KCNQ2: variants seen among roughly 807,000 people sequenced by gnomAD.
KCNQ2 encodes potassium voltage-gated channel subfamily KQT member 2.
In KCNQ2, 14 loss-of-function variants were observed where a neutral mutation model predicts 84.8. The ratio of observed to expected loss-of-function variants is 0.17; its 90% CI spans 0.11 to 0.26. The LOEUF (loss-of-function observed/expected upper bound fraction) is 0.26, where lower values mean the gene tolerates loss of function less well. KCNQ2 is among the 10% of genes least tolerant of loss of function. The probability of loss-of-function intolerance (pLI) is 1.00; values close to 1 mark genes in which losing one functional copy is unlikely to be tolerated. For missense variants in KCNQ2, 788 were observed against 1,254.0 expected (o/e 0.63, Z 5.61); for synonymous variants, 599 against 554.1 (o/e 1.08, Z -1.14).
In KCNQ2 at chr20:63,403,602, G is replaced by A. The variant is rs1449816297; in HGVS notation, c.*3042C>T. On this transcript the variant is annotated 3_prime_UTR_variant, in exon 17 of 17. Transcript: ENST00000359125. ...GTGTGTGATCTGTGCACGTGTACAT[G>A]TAAGCGTGCATGTGTATGCCTGTAT... 6.6e-6 allele frequency: 1 copy of A among 152,460 alleles called. No homozygotes were observed. Among genetic ancestry groups the A allele is most frequent in the Non-Finnish European group, 1.5e-5 (1 of 68,184 alleles). 9.4% of individuals were successfully genotyped at this position (152,460 alleles called of 1,614,324 possible).
chr20:63,459,442 G>A (rs2081893105), intron 1 of KCNQ2: 1 of 152,270 alleles, frequency 6.6e-6, no homozygotes, highest in Admixed American at 6.5e-5. Flanking sequence ...AGTCCAGGAG[G>A]TCCAGGCTGC....
intron 15 of KCNQ2, among the ~76,000 whole-genome samples, chr20:63,411,261 A>G (rs2080112348): frequency 6.6e-6 from 1 of 152,162 alleles, no homozygotes; most frequent in South Asian, 2.1e-4. Flanking sequence ...AGAGACACAG[A>G]GATGCGGCTC....
rs868435946 is a variant in KCNQ2 at position 63,442,851 on chromosome 20, T to C, written c.691-320A>G. Among the ~76,000 whole-genome samples the C allele has an allele frequency of 0.025, 461 of 18,718 alleles. No individual in the cohort carries two copies. The highest frequency in any genetic ancestry group is 0.027 in the Non-Finnish European group (228 of 8,420). 12.3% of individuals were successfully genotyped at this position (18,718 alleles called of 152,430 possible). On this transcript the variant is annotated intron_variant, in intron 4 of 16. Coordinates refer to ENST00000359125, the MANE Select transcript of KCNQ2 (RefSeq NM_172107.4). ...ACCATCACCACCACCACCATCACCATCACCACCACCATCACCATCACCATT... is the reference window on the plus strand; with the variant it reads ...ACCATCACCACCACCACCATCACCACCACCACCACCATCACCATCACCATT...
chr20:63,442,872 C>CCATTAT (rs1568934945), intron 4 of KCNQ2, among the ~76,000 whole-genome samples: 1 of 9,498 alleles, frequency 1.1e-4, no homozygotes, highest in Non-Finnish European at 2.5e-4. Context: ...ATCACCATCA[C>CCATTAT]CATTATCACC....
chr20:63,414,293 C>A lies in KCNQ2; in HGVS notation c.1526-100G>T. ...CGGCTAGACAGAGCGCCAGGGAGCC[C>A]CTCGAGGCTCCCTGTGGTGCCCCTC... On this transcript the variant is annotated intron_variant, in intron 13 of 16. Transcript: ENST00000359125. The surrounding 1 kb of genome is among the most constrained non-coding windows in gnomAD (Gnocchi z 6.6). The A allele has an allele frequency of 1.2e-6, 1 of 845,428 alleles. No homozygotes were observed. Among genetic ancestry groups the A allele is most frequent in the Non-Finnish European group, 2.0e-6 (1 of 504,884 alleles). The allele number at this position is 845,428 out of a possible 1,614,324, so 52.4% of individuals were successfully genotyped here.
chr20:63,415,371 CGGGGACCGAGCACCCGG>C (rs2080262159), intron 12 of KCNQ2, among the ~76,000 whole-genome samples: 2 of 88,080 alleles, frequency 2.3e-5, no homozygotes, highest in East Asian at 3.9e-4. Context: ...GGGGAGGCCA[CGGGGACCGAGCACCCGG>C]CGGGAGGGAG....
chr20:63,422,117 C>T (rs986697680), intron 11 of KCNQ2, among the ~76,000 whole-genome samples: 2 of 152,254 alleles, frequency 1.3e-5, no homozygotes, highest in South Asian at 2.1e-4. Flanking sequence ...AAAGGGCAGG[C>T]GGAGGCACAG....
chr20:63,425,722 A>G lies in KCNQ2; in HGVS notation c.1218-1516T>C, dbSNP rs2080608404. On this transcript the variant is annotated intron_variant, in intron 10 of 16. Transcript: ENST00000359125. The surrounding 1 kb of genome is among the most constrained non-coding windows in gnomAD (Gnocchi z 5.5). ...GTGACGCAGGGAGACTCCGTCTCAGAGAAAAAAAAAAGAAATCCCACCCAT... is the reference window on the plus strand; with the variant it reads ...GTGACGCAGGGAGACTCCGTCTCAGGGAAAAAAAAAAGAAATCCCACCCAT... Among the ~76,000 whole-genome samples the G allele has an allele frequency of 6.6e-6, 1 of 152,022 alleles. No homozygotes were observed. The highest frequency in any genetic ancestry group is 1.5e-5 in the Non-Finnish European group (1 of 67,968).
intron 1 of KCNQ2, among the ~76,000 whole-genome samples, chr20:63,457,608 A>C (rs2081836889): frequency 6.6e-6 from 1 of 152,218 alleles, no homozygotes; most frequent in East Asian, 1.9e-4. Context: ...CACTTCCTTC[A>C]GCCAGCTGTG....
intron 14 of KCNQ2, 132 bp downstream of exon 14, chr20:63,413,956 C>T (rs144349349): frequency 2.0e-3 from 1,449 of 728,540 alleles, no homozygotes; most frequent in Non-Finnish European, 3.1e-3. Flanking sequence ...CGTGTCTTAG[C>T]CCTTTCTTTT....
At chr20:63,441,312 A>G (rs1331671177) in intron 5 of KCNQ2, among the ~76,000 whole-genome samples, 1 of 151,202 alleles carries the variant, frequency 6.6e-6, no homozygotes, top group Non-Finnish European at 1.5e-5. Context: ...TTGAATCAGG[A>G]AATACCAGCA....
At chr20:63,424,836 C>T (rs2080580791) in intron 10 of KCNQ2, among the ~76,000 whole-genome samples, 1 of 152,216 alleles carries the variant, frequency 6.6e-6, no homozygotes, top group South Asian at 2.1e-4. Context: ...ATCGGCGGAT[C>T]GTGATTTGGC....
In KCNQ2 at chr20:63,408,133, C is replaced by G. The variant is rs1296583692; in HGVS notation, c.1887+280G>C. 2.1e-6 allele frequency: 1 copy of G among 476,332 alleles called. No homozygotes were observed. The highest frequency in any genetic ancestry group is 3.9e-6 in the Non-Finnish European group (1 of 257,772). 29.5% of individuals were successfully genotyped at this position (476,332 alleles called of 1,614,324 possible). A position where few individuals can be genotyped will look rare whatever the true frequency, so the allele number is the denominator to read the frequency against. On this transcript the variant is annotated intron_variant, in intron 16 of 16. Coordinates refer to ENST00000359125, the MANE Select transcript of KCNQ2 (RefSeq NM_172107.4). The surrounding 1 kb of genome is among the most constrained non-coding windows in gnomAD (Gnocchi z 5.0). ...ACTTCCGGCACGTTCCACAAGGAACCCCTGAGGGATCCACCTCTCAGCAGC... is the reference window on the plus strand; with the variant it reads ...ACTTCCGGCACGTTCCACAAGGAACGCCTGAGGGATCCACCTCTCAGCAGC...
At chr20:63,411,859 G>A (rs1039604655) in intron 15 of KCNQ2, 11 of 709,744 alleles carry the variant, frequency 1.5e-5, no homozygotes, top group Admixed American at 1.0e-4. Context: ...TGAAGGGGGC[G>A]GGGGACCCAC....
At chr20:63,421,748 C>CGGG (rs2080477300) in intron 11 of KCNQ2, among the ~76,000 whole-genome samples, 1 of 152,102 alleles carries the variant, frequency 6.6e-6, no homozygotes, top group Admixed American at 6.5e-5. Flanking sequence ...TCCTCCAGCA[C>CGGG]GGGGGCAGGA....
chr20:63,452,711 T>C (rs186700999), intron 1 of KCNQ2, among the ~76,000 whole-genome samples: 136 of 152,216 alleles, frequency 8.9e-4, no homozygotes, highest in Non-Finnish European at 1.3e-3. Flanking sequence ...AGGACAGTGG[T>C]GGGGAGAGCC....
intron 4 of KCNQ2, among the ~76,000 whole-genome samples, chr20:63,443,114 CCACTAT>C (rs2081277852): frequency 4.5e-5 from 4 of 88,520 alleles, no homozygotes; most frequent in East Asian, 8.6e-4. Context: ...ATCACCACCA[CCACTAT>C]CACCACCACC....
At chr20:63,428,303 G>A in intron 10 of KCNQ2, 64 bp downstream of exon 10, 2 of 1,270,230 alleles carry the variant, frequency 1.6e-6, no homozygotes, top group South Asian at 1.3e-5. Flanking sequence ...GTCTTCTGTG[G>A]GCAGCTGGGG....
Position 63,416,642 on chromosome 20 carries a change from A to C in KCNQ2, c.1302-1516T>G, listed in dbSNP as rs942336697. Among the ~76,000 whole-genome samples the C allele has an allele frequency of 3.9e-5, 6 of 152,114 alleles. 1 individual carries two copies. Among genetic ancestry groups the C allele is most frequent in the Admixed American group, 3.9e-4 (6 of 15,276 alleles). On this transcript the variant is annotated intron_variant, in intron 12 of 16. Coordinates refer to ENST00000359125, the MANE Select transcript of KCNQ2 (RefSeq NM_172107.4). ...GATCCCTGACACACTTCAGAGAGGA[A>C]GCCCAGTGCCTCACGGGCTCCCTGA...
Sources: gnomAD v4.1 joint callset for allele counts (sites outside exome capture counted in the v4.1 genomes callset) on GRCh38, gnomAD v4.1.1 for gene constraint, Gnocchi (gnomAD v3.1) non-coding constraint, MANE v1.5 for transcripts, NCBI Gene and HGNC (gene_info 2026-07-23, HGNC 2026-07-21) for gene names.